The following ARB2A variants were observed in gnomAD, a reference collection of about 807,000 sequenced individuals.
ARB2A encodes the protein ARB2 cotranscriptional regulator A, also known as cotranscriptional regulator ARB2A.
At chr5:93,863,435 A>G in the ARB2A span, 1 of 151,248 alleles carries the variant, frequency 6.6e-6, no homozygotes, top group African/African-American at 2.4e-5. Context: ...CTATATATAT[A>G]TATTTATATA....
the ARB2A span, among the ~76,000 whole-genome samples, chr5:93,996,004 G>A: frequency 6.6e-6 from 1 of 152,002 alleles, no homozygotes; most frequent in Admixed American, 6.6e-5. Context: ...AAATATTATA[G>A]AAGCATAGAA....
the ARB2A span, among the ~76,000 whole-genome samples, chr5:93,770,598 C>A: frequency 1.3e-5 from 2 of 152,150 alleles, no homozygotes; most frequent in Non-Finnish European, 2.9e-5. Context: ...TGATAAGCAA[C>A]TTCAGCAAAG....
At chr5:94,099,088 A>C in the ARB2A span, among the ~76,000 whole-genome samples, 2 of 152,214 alleles carry the variant, frequency 1.3e-5, no homozygotes, top group Non-Finnish European at 2.9e-5. Context: ...AAACTATTCC[A>C]AAAAATTGAG....
chr5:94,004,998 C>CAAAAAAAA, the ARB2A span, among the ~76,000 whole-genome samples: 93 of 12,530 alleles, frequency 7.4e-3, 14 homozygotes, highest in South Asian at 0.029. Flanking sequence ...ATTTTATCAG[C>CAAAAAAAA]AAAAAAAAAA....
chr5:93,990,373 T>C, the ARB2A span, among the ~76,000 whole-genome samples: 7 of 151,962 alleles, frequency 4.6e-5, no homozygotes, highest in Non-Finnish European at 1.0e-4. Context: ...AGAAGTAAAA[T>C]GATACTATTT....
the ARB2A span, among the ~76,000 whole-genome samples, chr5:94,054,557 C>T: frequency 6.6e-6 from 1 of 152,122 alleles, no homozygotes; most frequent in Non-Finnish European, 1.5e-5. Context: ...CAGGACATCA[C>T]CAGTGATGCT....
the ARB2A span, among the ~76,000 whole-genome samples, chr5:93,730,176 T>A: frequency 6.6e-6 from 1 of 152,190 alleles, no homozygotes; most frequent in Non-Finnish European, 1.5e-5. Context: ...TCATTTAAAG[T>A]GTTACATTTT....
At chr5:93,819,873 G>A in the ARB2A span, among the ~76,000 whole-genome samples, 9 of 152,344 alleles carry the variant, frequency 5.9e-5, no homozygotes, top group East Asian at 1.7e-3. Flanking sequence ...AGCCCAGCAT[G>A]GAACAATGGC....
At chr5:93,664,762 A>C in the ARB2A span, among the ~76,000 whole-genome samples, 6 of 152,102 alleles carry the variant, frequency 3.9e-5, no homozygotes, top group South Asian at 6.2e-4. Context: ...CTTACGACAG[A>C]TATTACAAGA....
the ARB2A span, among the ~76,000 whole-genome samples, chr5:93,772,662 T>C: frequency 6.6e-6 from 1 of 152,152 alleles, no homozygotes; most frequent in Non-Finnish European, 1.5e-5. Context: ...AGGTGTTGGC[T>C]GGGGTTGCAG....
At chr5:93,813,468 T>C in the ARB2A span, among the ~76,000 whole-genome samples, 1 of 152,104 alleles carries the variant, frequency 6.6e-6, no homozygotes, top group Non-Finnish European at 1.5e-5. Context: ...GCTTATAGAT[T>C]TTGGAAATTC....
At chr5:93,946,849 C>CTTT in the ARB2A span, among the ~76,000 whole-genome samples, 9 of 152,140 alleles carry the variant, frequency 5.9e-5, no homozygotes, top group Admixed American at 4.6e-4. Context: ...ATATGCCACA[C>CTTT]TTCTTCAACA....
At chr5:93,856,427 C>T in the ARB2A span, among the ~76,000 whole-genome samples, 14 of 152,174 alleles carry the variant, frequency 9.2e-5, no homozygotes, top group South Asian at 6.2e-4. Context: ...ACCAATCAGA[C>T]GTAGATTTGG....
the ARB2A span, among the ~76,000 whole-genome samples, chr5:93,627,818 GT>G: frequency 6.6e-6 from 1 of 152,270 alleles, no homozygotes; most frequent in East Asian, 1.9e-4. Context: ...CGAATGTTGT[GT>G]TAGCAGGAAT....
chr5:94,008,404 T>A, the ARB2A span, among the ~76,000 whole-genome samples: 1 of 152,228 alleles, frequency 6.6e-6, no homozygotes, highest in Non-Finnish European at 1.5e-5. Flanking sequence ...ATGTAGATTC[T>A]CATTCAGTAG....
the ARB2A span, among the ~76,000 whole-genome samples, chr5:94,084,445 AC>A: frequency 6.6e-6 from 1 of 152,160 alleles, no homozygotes; most frequent in East Asian, 1.9e-4. Flanking sequence ...GAATAGAAAG[AC>A]TCACCAGTGT....
At chr5:94,085,778 G>A in the ARB2A span, among the ~76,000 whole-genome samples, 10 of 152,100 alleles carry the variant, frequency 6.6e-5, no homozygotes, top group African/African-American at 2.4e-4. Flanking sequence ...CATTAACAGG[G>A]CAAAGATGAG....
chr5:93,730,137 A>G, the ARB2A span, among the ~76,000 whole-genome samples: 1 of 152,168 alleles, frequency 6.6e-6, no homozygotes, highest in African/African-American at 2.4e-5. Context: ...TGGAAACTCA[A>G]ATAAAAAGGA....
the ARB2A span, among the ~76,000 whole-genome samples, chr5:94,028,048 C>T: frequency 6.6e-6 from 1 of 152,162 alleles, no homozygotes; most frequent in Non-Finnish European, 1.5e-5. Context: ...TCTTCTGTGT[C>T]GATTGTTGTT....
Sources: gnomAD v4.1 joint callset for allele counts (sites outside exome capture counted in the v4.1 genomes callset) on GRCh38, gnomAD v4.1.1 for gene constraint, MANE v1.5 for transcripts, NCBI Gene and HGNC (gene_info 2026-07-23, HGNC 2026-07-21) for gene names.